Variants in HELLS observed in about 807,000 individuals in gnomAD.
HELLS encodes the protein lymphoid-specific helicase.
HELLS carries 32 observed loss-of-function variants against 120.0 expected under a neutral mutation model. The observed-to-expected ratio is 0.27, with a 90% CI of 0.20 to 0.36. The LOEUF (loss-of-function observed/expected upper bound fraction) is 0.36, where lower values mean the gene tolerates loss of function less well. HELLS is among the 10% of genes least tolerant of loss of function. The probability of loss-of-function intolerance (pLI) is 1.00; values close to 1 mark genes in which losing one functional copy is unlikely to be tolerated. For missense variants in HELLS, 650 were observed against 993.4 expected (o/e 0.65, Z 4.65); for synonymous variants, 341 against 323.4 (o/e 1.05, Z -0.58).
intron 2 of HELLS, among the ~76,000 whole-genome samples, chr10:94,553,552 ATTTT>A (rs397844496): frequency 1.6e-5 from 2 of 122,282 alleles, no homozygotes; most frequent in Non-Finnish European, 3.4e-5. Context: ...CCTGGCCCCA[ATTTT>A]TTTTTTTTTT....
At chr10:94,580,265 A>C (rs1022918094) in intron 10 of HELLS, among the ~76,000 whole-genome samples, 1 of 146,860 alleles carries the variant, frequency 6.8e-6, no homozygotes, top group African/African-American at 2.5e-5. Context: ...GCTTACTGCA[A>C]CCTGTCTCCC....
intron 9 of HELLS, among the ~76,000 whole-genome samples, chr10:94,575,452 G>A (rs1844391180): frequency 6.6e-6 from 1 of 150,756 alleles, no homozygotes; most frequent in Admixed American, 6.6e-5. Flanking sequence ...TATTCTAGAC[G>A]TAGTATCACC....
chr10:94,578,192 C>T (rs1447878894), intron 10 of HELLS, among the ~76,000 whole-genome samples: 1 of 151,778 alleles, frequency 6.6e-6, no homozygotes, highest in African/African-American at 2.4e-5. Flanking sequence ...TGTGATTGCG[C>T]CACTGCACTC....
chr10:94,583,081 T>A (rs1325924671), intron 12 of HELLS, 22 bp downstream of exon 12: 1 of 1,401,610 alleles, frequency 7.1e-7, no homozygotes, highest in Admixed American at 1.8e-5. Context: ...TTTCTTATTC[T>A]GCTTAACCAT....
chr10:94,578,379 A>T (rs1370560101), intron 10 of HELLS, among the ~76,000 whole-genome samples: 1 of 152,098 alleles, frequency 6.6e-6, no homozygotes, highest in African/African-American at 2.4e-5. Context: ...CTTTATTTTT[A>T]TTATTATAAA....
chr10:94,547,449 A>G (rs1307599181), intron 2 of HELLS, among the ~76,000 whole-genome samples: 2 of 152,206 alleles, frequency 1.3e-5, no homozygotes, highest in African/African-American at 4.8e-5. Flanking sequence ...TTGGAAAATA[A>G]TGCATTCCAA....
Position 94,601,261 on chromosome 10 carries a change from G to A in HELLS, c.2423-267G>A, listed in dbSNP as rs143493981. 6.5e-3 allele frequency among the ~76,000 whole-genome samples: 992 copies of A among 152,158 alleles called. 5 individuals carry two copies. The highest frequency in any genetic ancestry group is 9.8e-3 in the Non-Finnish European group (667 of 67,972). ...ACTTGTTTATCTTACCTTAAATTCAGCAAAAGCGATTTTGACTAGCAAACT... is the reference window on the plus strand; with the variant it reads ...ACTTGTTTATCTTACCTTAAATTCAACAAAAGCGATTTTGACTAGCAAACT... On this transcript the variant is annotated intron_variant, in intron 21 of 21. Transcript: ENST00000348459.
intron 12 of HELLS, among the ~76,000 whole-genome samples, chr10:94,586,841 G>A (rs1266026791): frequency 2.0e-5 from 3 of 151,902 alleles, no homozygotes; most frequent in African/African-American, 4.8e-5. Context: ...CTGTAATCCC[G>A]CCACCACGCC....
In HELLS at chr10:94,590,398, T is replaced by C; in HGVS notation, c.1489-15T>C. ...GCTTTATAAACTGAATTTCTTTTAATTCGTTCCCTTTTAGAAAGAAACAAT... is the reference window on the plus strand; with the variant it reads ...GCTTTATAAACTGAATTTCTTTTAACTCGTTCCCTTTTAGAAAGAAACAAT... On this transcript the variant is annotated splice_polypyrimidine_tract_variant and intron_variant, in intron 13 of 21. Coordinates refer to ENST00000348459, the MANE Select transcript of HELLS (RefSeq NM_018063.5). 1.9e-6 allele frequency: 3 copies of C among 1,588,578 alleles called. No individual in the cohort carries two copies. The highest frequency in any genetic ancestry group is 8.5e-7 in the Non-Finnish European group (1 of 1,173,086).
intron 9 of HELLS, among the ~76,000 whole-genome samples, chr10:94,575,783 GTGTGTGT>G (rs1844438195): frequency 8.3e-6 from 1 of 120,952 alleles, no homozygotes; most frequent in African/African-American, 2.7e-5. Flanking sequence ...GTGTGTGTGT[GTGTGTGT>G]GTGTGTGTGT....
At chr10:94,603,245 G>GT (rs768779365), downstream of HELLS, among the ~76,000 whole-genome samples, 2 of 152,080 alleles carry the variant, frequency 1.3e-5, no homozygotes, top group Non-Finnish European at 2.9e-5. Flanking sequence ...AGTTTGTTCT[G>GT]TTTTTTCTGA....
At chr10:94,584,970 G>A (rs1252517843) in intron 12 of HELLS, among the ~76,000 whole-genome samples, 1 of 152,044 alleles carries the variant, frequency 6.6e-6, no homozygotes, top group Non-Finnish European at 1.5e-5. Flanking sequence ...ACAGGAAAAA[G>A]TTTTCATTCA....
intron 10 of HELLS, among the ~76,000 whole-genome samples, chr10:94,579,258 T>G (rs889512846): frequency 1.3e-5 from 2 of 148,670 alleles, no homozygotes; most frequent in Non-Finnish European, 3.0e-5. Context: ...TGGAGTTCAG[T>G]GGCGCGATCT....
At chr10:94,603,833 C>T (rs1326840), downstream of HELLS, among the ~76,000 whole-genome samples, 14,067 of 136,398 alleles carry the variant, frequency 0.1, 1,176 homozygotes, top group African/African-American at 0.24. Flanking sequence ...TCTTTCTTTC[C>T]TTTTTTTCCC....
intron 11 of HELLS, among the ~76,000 whole-genome samples, chr10:94,582,107 C>T (rs1025725813): frequency 2.0e-5 from 3 of 152,102 alleles, no homozygotes; most frequent in South Asian, 2.1e-4. Context: ...CTGATTACAA[C>T]GGAAATATAA....
At chr10:94,578,367 C>T (rs1844628532) in intron 10 of HELLS, among the ~76,000 whole-genome samples, 1 of 152,016 alleles carries the variant, frequency 6.6e-6, no homozygotes, top group Non-Finnish European at 1.5e-5. Context: ...AATTATTGTG[C>T]ACTTTATTTT....
At chr10:94,572,664 C>T (rs1000212542) in intron 7 of HELLS, among the ~76,000 whole-genome samples, 1 of 152,154 alleles carries the variant, frequency 6.6e-6, no homozygotes. Context: ...CATGTGTAGA[C>T]ATGTTTTCAT....
At chr10:94,556,324 C>T (rs1843262356) in intron 3 of HELLS, among the ~76,000 whole-genome samples, 1 of 152,050 alleles carries the variant, frequency 6.6e-6, no homozygotes, top group African/African-American at 2.4e-5. Context: ...TCTCAATATT[C>T]TTGCACATAT....
intron 14 of HELLS, 21 bp downstream of exon 14, chr10:94,590,573 T>C (rs1446997136): frequency 6.2e-7 from 1 of 1,610,700 alleles, no homozygotes. Context: ...AAAAGTGAAT[T>C]TAAGTATTCT....
Sources: allele counts gnomAD v4.1 joint callset (sites outside exome capture counted in the v4.1 genomes callset), GRCh38; gene constraint gnomAD v4.1.1; transcripts MANE v1.5; gene names NCBI Gene and HGNC (gene_info 2026-07-23, HGNC 2026-07-21).